Variants in AFG2B observed in about 807,000 individuals in gnomAD.
The protein encoded by AFG2B is ATPase family gene 2 protein homolog B.
At chr15:45,418,642 GTTT>G in the AFG2B span, 15 of 1,612,416 alleles carry the variant, frequency 9.3e-6, no homozygotes, top group African/African-American at 2.7e-5. Flanking sequence ...GCAGAAACCT[GTTT>G]TTTTTCTGGA....
At chr15:45,405,581 G>A in the AFG2B span, 30 of 1,429,894 alleles carry the variant, frequency 2.1e-5, no homozygotes, top group South Asian at 6.4e-5. Flanking sequence ...AAAAAAAAGC[G>A]GTGAGTACAT....
At chr15:45,415,544 A>G in the AFG2B span, 1 of 1,520,554 alleles carries the variant, frequency 6.6e-7, no homozygotes, top group African/African-American at 1.4e-5. Context: ...CACATGACTA[A>G]TGTATAACAT....
At chr15:45,409,398 G>A in the AFG2B span, among the ~76,000 whole-genome samples, 1 of 150,272 alleles carries the variant, frequency 6.7e-6, no homozygotes, top group African/African-American at 2.4e-5. Context: ...AAAAGAGTTT[G>A]ATAATGTCTG....
At chr15:45,403,109 C>G in the AFG2B span, 14 of 1,514,142 alleles carry the variant, frequency 9.2e-6, no homozygotes, top group East Asian at 3.6e-4. Flanking sequence ...CGCGCCCTGA[C>G]CGCGCTGGGC....
the AFG2B span, chr15:45,418,457 G>T: frequency 8.2e-7 from 1 of 1,214,930 alleles, no homozygotes; most frequent in Non-Finnish European, 1.1e-6. Context: ...TATTTTCTCG[G>T]TAATGTGAAA....
chr15:45,403,217 TGGCAGTCAGCGCCCCGGCGCTGCA>T, the AFG2B span: 1 of 1,508,398 alleles, frequency 6.6e-7, no homozygotes, highest in African/African-American at 1.5e-5. Flanking sequence ...GCGGAGCTGC[TGGCAGTCAGCGCCCCGGCGCTGCA>T]GGGTTCCCGG....
the AFG2B span, chr15:45,410,280 T>A: frequency 3.5e-6 from 5 of 1,410,166 alleles, no homozygotes; most frequent in African/African-American, 7.2e-5. Context: ...ACTTTACAAA[T>A]CCAAAAGAAG....
At chr15:45,409,565 A>G in the AFG2B span, among the ~76,000 whole-genome samples, 1 of 151,880 alleles carries the variant, frequency 6.6e-6, no homozygotes. Context: ...ATTACATAAA[A>G]TACTTGAACA....
At chr15:45,413,544 T>C in the AFG2B span, among the ~76,000 whole-genome samples, 5 of 152,228 alleles carry the variant, frequency 3.3e-5, no homozygotes, top group African/African-American at 9.6e-5. Context: ...TTCTGTTTTA[T>C]GTTTCAAATA....
chr15:45,415,821 C>T, the AFG2B span: 1 of 1,580,166 alleles, frequency 6.3e-7, no homozygotes, highest in Non-Finnish European at 8.6e-7. Context: ...TATTTATTAG[C>T]CAGAATGCAC....
At chr15:45,402,818 C>T in the AFG2B span, 5 of 1,596,846 alleles carry the variant, frequency 3.1e-6, no homozygotes, top group Non-Finnish European at 1.7e-6. Flanking sequence ...AATACAGCCG[C>T]GGTGCTGGAG....
At chr15:45,408,090 A>G in the AFG2B span, among the ~76,000 whole-genome samples, 1 of 152,260 alleles carries the variant, frequency 6.6e-6, no homozygotes, top group African/African-American at 2.4e-5. Context: ...ACAAATCAGT[A>G]AGAAAAGACC....
the AFG2B span, chr15:45,403,315 G>A: frequency 6.3e-7 from 1 of 1,596,488 alleles, no homozygotes; most frequent in Non-Finnish European, 8.5e-7. Flanking sequence ...GGCCAGCCGC[G>A]GACCCAGCCT....
chr15:45,411,676 T>C, the AFG2B span, among the ~76,000 whole-genome samples: 3 of 151,972 alleles, frequency 2.0e-5, no homozygotes, highest in African/African-American at 4.8e-5. Context: ...TCCTAGCTAC[T>C]CAGGAGGATC....
At chr15:45,418,771 T>C in the AFG2B span, 14 of 1,508,076 alleles carry the variant, frequency 9.3e-6, no homozygotes, top group East Asian at 2.3e-5. Flanking sequence ...ACTAAAAGCC[T>C]GTGTGGTACC....
chr15:45,418,628 C>G, the AFG2B span: 4 of 1,614,056 alleles, frequency 2.5e-6, no homozygotes, highest in Non-Finnish European at 3.4e-6. Flanking sequence ...TAGAAAACCT[C>G]GCAGCAGAAA....
At chr15:45,418,770 C>A in the AFG2B span, 2 of 1,506,722 alleles carry the variant, frequency 1.3e-6, no homozygotes, top group Non-Finnish European at 1.8e-6. Context: ...TACTAAAAGC[C>A]TGTGTGGTAC....
chr15:45,410,297 A>G, the AFG2B span: 1 of 1,521,216 alleles, frequency 6.6e-7, no homozygotes, highest in Non-Finnish European at 9.0e-7. Context: ...GAAGATTTTA[A>G]AAACAAATTG....
the AFG2B span, among the ~76,000 whole-genome samples, chr15:45,413,075 T>G: frequency 6.6e-6 from 1 of 152,238 alleles, no homozygotes; most frequent in Non-Finnish European, 1.5e-5. Flanking sequence ...TTGTCTCATT[T>G]AATGTTCACA....
Sources: allele counts gnomAD v4.1 joint callset (sites outside exome capture counted in the v4.1 genomes callset), GRCh38; gene constraint gnomAD v4.1.1; transcripts MANE v1.5; gene names NCBI Gene and HGNC (gene_info 2026-07-23, HGNC 2026-07-21).